Variants in TPCN1 observed in about 807,000 individuals in gnomAD.
TPCN1 encodes the protein two pore segment channel 1.
In TPCN1, 52 loss-of-function variants were observed where a neutral mutation model predicts 108.8. The ratio of observed to expected loss-of-function variants is 0.48; its 90% CI spans 0.38 to 0.60. The LOEUF (loss-of-function observed/expected upper bound fraction) is 0.60. Ranked by LOEUF, TPCN1 falls within the 20% of genes least tolerant of loss-of-function variation. The pLI is 0.00. For synonymous variants in TPCN1, 446 were observed against 433.7 expected (o/e 1.03, Z -0.35); for missense variants, 806 against 1,072.8 (o/e 0.75, Z 3.47).
rs764096147 is a variant in TPCN1, at chr12:113,290,160, G to A, written c.1829G>A (p.Arg610His). 3.2e-5 allele frequency: 52 copies of A among 1,603,778 alleles called. No individual in the cohort carries two copies. The highest frequency in any genetic ancestry group is 3.7e-5 in the Non-Finnish European group (43 of 1,175,118). The change falls in exon 22 of 28, where the codon CGC (arginine) becomes CAC (histidine). Residue 610 changes from arginine (R) to histidine (H), a missense_variant. Coordinates refer to ENST00000335509, the MANE Select transcript of TPCN1 (RefSeq NM_017901.6). ...TSTVADAYRW[R>H]NHTVGNRTVV... Reference sequence around the variant, plus strand: ...ACAGTGGCAGATGCCTACCGCTGGCGCAACCACACCGTGGGCAACAGGACC... The same window carrying A: ...ACAGTGGCAGATGCCTACCGCTGGCACAACCACACCGTGGGCAACAGGACC...
At chr12:113,267,373 A>C (rs1305188817) in intron 4 of TPCN1, among the ~76,000 whole-genome samples, 2 of 151,580 alleles carry the variant, frequency 1.3e-5, no homozygotes, top group Admixed American at 1.3e-4. Flanking sequence ...AAGACTAGAT[A>C]TTAAATTTTA....
In TPCN1 at chr12:113,269,934, C is replaced by T. The variant is rs963788465; in HGVS notation, c.748+89C>T. On this transcript the variant is annotated intron_variant, in intron 7 of 27. Coordinates refer to ENST00000335509, the MANE Select transcript of TPCN1 (RefSeq NM_017901.6). This position sits in a 1 kb window ranked among gnomAD's most constrained non-coding sequence, Gnocchi z 5.0. ...ATTTTGGGCCTGGCTCAGTGGCTCACGCCTGTAATCCTAGCATTTTGGGAG... is the reference window on the plus strand; with the variant it reads ...ATTTTGGGCCTGGCTCAGTGGCTCATGCCTGTAATCCTAGCATTTTGGGAG... 9.2e-6 allele frequency: 13 copies of T among 1,408,914 alleles called. No homozygotes were observed. The highest frequency in any genetic ancestry group is 2.8e-5 in the African/African-American group (2 of 70,824). 87.3% of individuals were successfully genotyped at this position (1,408,914 alleles called of 1,614,324 possible). A position where few individuals can be genotyped will look rare whatever the true frequency, so the allele number is the denominator to read the frequency against.
Position 113,269,769 on chromosome 12 carries a change from G to A in TPCN1, c.672G>A (p.Gln224=). The change falls in exon 7 of 28, where the codon CAG becomes CAA. Residue 224 remains glutamine, a synonymous_variant. Transcript: ENST00000335509. The surrounding 1 kb of genome is among the most constrained non-coding windows in gnomAD (Gnocchi z 5.0). Reference sequence around the variant, plus strand: ...CATCTCTCCCCAGCAACCTGCGGCAGATCTTCCAGTCCCTGCCGCCCTTCA... The same window carrying A: ...CATCTCTCCCCAGCAACCTGCGGCAAATCTTCCAGTCCCTGCCGCCCTTCA... The part of the protein sequence containing the change: ...YCGGVRRNLR[Q]IFQSLPPFMD... 1 of 1,613,662 alleles carries A rather than the reference G, an allele frequency of 6.2e-7. No individual in the cohort carries two copies. Among genetic ancestry groups the A allele is most frequent in the East Asian group, 2.2e-5 (1 of 44,884 alleles).
At chr12:113,276,527 A>T (rs1370862503) in intron 10 of TPCN1, among the ~76,000 whole-genome samples, 1 of 152,130 alleles carries the variant, frequency 6.6e-6, no homozygotes, top group Non-Finnish European at 1.5e-5. Context: ...TCCGCCTGCC[A>T]CTGGCTGGAG....
intron 2 of TPCN1, among the ~76,000 whole-genome samples, chr12:113,235,297 T>C (rs188207176): frequency 3.0e-4 from 46 of 152,340 alleles, no homozygotes; most frequent in Admixed American, 3.0e-3. Flanking sequence ...GGTGATTCTT[T>C]CCTTCTTTGT....
chr12:113,222,267 G>T (rs1953267591), intron 1 of TPCN1, among the ~76,000 whole-genome samples: 1 of 152,214 alleles, frequency 6.6e-6, no homozygotes, highest in Non-Finnish European at 1.5e-5. Context: ...TAATGGTTAA[G>T]CAGGCAGGGT....
chr12:113,293,192 G>T (rs895501954), intron 26 of TPCN1, 77 bp from the exon 27 acceptor site: 5 of 1,602,934 alleles, frequency 3.1e-6, no homozygotes, highest in Non-Finnish European at 4.3e-6. Context: ...CCAGAGAAGT[G>T]GGAGACGCCA....
rs185645094 is a variant in TPCN1, at chr12:113,233,995, T to C, written c.112+7031T>C. On this transcript the variant is annotated intron_variant, in intron 2 of 27. Transcript: ENST00000335509. The stretch of plus-strand genomic sequence containing the variant: ...AATTTCTTTGTTTCCCAAAAGGAAG[T>C]TGGTTTCTATCTTTATCCTTTTTTT... Among the ~76,000 whole-genome samples, 959 of 152,266 alleles carry C rather than the reference T, an allele frequency of 6.3e-3. 6 individuals carry two copies. The highest frequency in any genetic ancestry group is 9.9e-3 in the Non-Finnish European group (673 of 68,016).
intron 2 of TPCN1, among the ~76,000 whole-genome samples, chr12:113,247,965 C>T (rs969308670): frequency 6.6e-6 from 1 of 152,252 alleles, no homozygotes; most frequent in Non-Finnish European, 1.5e-5. Flanking sequence ...GGAGAATTCG[C>T]TGTTCTTTCA....
intron 10 of TPCN1, among the ~76,000 whole-genome samples, chr12:113,276,645 G>A (rs1186933520): frequency 6.6e-6 from 1 of 152,200 alleles, no homozygotes; most frequent in Admixed American, 6.5e-5. Flanking sequence ...GGAAAGGAGT[G>A]TGGGAAAGTG....
At chr12:113,280,026 A>G (rs964581240) in intron 14 of TPCN1, 125 bp from the exon 15 acceptor site, 8 of 701,844 alleles carry the variant, frequency 1.1e-5, no homozygotes, top group East Asian at 2.5e-5. Context: ...GACCATGCTT[A>G]CCTGCATGCA....
At chr12:113,261,639 G>T (rs1170611972) in intron 3 of TPCN1, among the ~76,000 whole-genome samples, 1 of 152,032 alleles carries the variant, frequency 6.6e-6, no homozygotes, top group Non-Finnish European at 1.5e-5. Context: ...ATGTTGGCCA[G>T]GCTGATCTCA....
Position 113,286,712 on chromosome 12 carries a change from T to C in TPCN1, c.1527-275T>C, listed in dbSNP as rs1956095154. Among the ~76,000 whole-genome samples the C allele has an allele frequency of 2.0e-5, 3 of 152,282 alleles. No individual in the cohort carries two copies. In the South Asian group the frequency reaches 6.2e-4, roughly 32 times the overall value. The stretch of plus-strand genomic sequence containing the variant: ...CCGGGGCTTCTTTCCTTCTTGTCGT[T>C]AGACCAGCATGGGGCCCTTTGTAGG... On this transcript the variant is annotated intron_variant, in intron 18 of 27. Coordinates refer to ENST00000335509, the MANE Select transcript of TPCN1 (RefSeq NM_017901.6).
chr12:113,245,929 T>C, intron 2 of TPCN1: 1 of 456,066 alleles, frequency 2.2e-6, no homozygotes, highest in Non-Finnish European at 4.4e-6. Context: ...CTGCATGCTG[T>C]GCTCCAGCAA....
intron 2 of TPCN1, among the ~76,000 whole-genome samples, chr12:113,253,192 G>C (rs915346823): frequency 2.6e-5 from 4 of 152,134 alleles, no homozygotes; most frequent in Non-Finnish European, 2.9e-5. Flanking sequence ...TTACCTACTT[G>C]GGAGGGCTGT....
intron 10 of TPCN1, among the ~76,000 whole-genome samples, chr12:113,274,164 T>A (rs1344848521): frequency 6.6e-6 from 1 of 152,252 alleles, no homozygotes; most frequent in East Asian, 1.9e-4. Flanking sequence ...AAATAGTTGT[T>A]ATACTGGGCT....
chr12:113,279,391 ATTTTTT>A (rs60898872), intron 14 of TPCN1, among the ~76,000 whole-genome samples: 2 of 10,484 alleles, frequency 1.9e-4, no homozygotes, highest in Non-Finnish European at 2.8e-4. Flanking sequence ...ATATATATAT[ATTTTTT>A]TTTTTTTTTT....
At chr12:113,257,820 A>G (rs1954880605) in intron 2 of TPCN1, among the ~76,000 whole-genome samples, 1 of 152,218 alleles carries the variant, frequency 6.6e-6, no homozygotes, top group South Asian at 2.1e-4. Flanking sequence ...AAAGAAACAG[A>G]ATGAACTGTT....
At chr12:113,276,861 A>T in intron 10 of TPCN1, 58 bp from the exon 11 acceptor site, 1 of 1,198,106 alleles carries the variant, frequency 8.3e-7, no homozygotes, top group Admixed American at 1.7e-5. Flanking sequence ...ACCCCCCTGC[A>T]CTCCCTGCCC....
Sources: gnomAD v4.1 joint callset for allele counts (sites outside exome capture counted in the v4.1 genomes callset) on GRCh38, gnomAD v4.1.1 for gene constraint, Gnocchi (gnomAD v3.1) non-coding constraint, MANE v1.5 for transcripts, NCBI Gene and HGNC (gene_info 2026-07-23, HGNC 2026-07-21) for gene names.